Variants in SEMA3E observed in about 807,000 individuals in gnomAD.
SEMA3E encodes the protein semaphorin 3E, also known as semaphorin-3E.
Under a neutral mutation model 93.6 loss-of-function variants are expected in SEMA3E, and 49 were observed. That is an observed-to-expected ratio of 0.52 (90% confidence interval 0.42 to 0.66). The LOEUF (loss-of-function observed/expected upper bound fraction) is 0.66. SEMA3E is among the 30% of genes least tolerant of loss of function. The pLI, the probability that SEMA3E is intolerant of heterozygous loss-of-function variation, is 0.00. For missense variants in SEMA3E, 906 were observed against 964.8 expected (o/e 0.94, Z 0.81); for synonymous variants, 363 against 330.7 (o/e 1.10, Z -1.06).
At chr7:83,534,262 C>T (rs188657222) in intron 1 of SEMA3E, among the ~76,000 whole-genome samples, 17 of 152,178 alleles carry the variant, frequency 1.1e-4, no homozygotes, top group Admixed American at 3.9e-4. Flanking sequence ...GGGCCAATTA[C>T]GTCTGTTGGG....
At chr7:83,646,077 G>T (rs542472533) in intron 1 of SEMA3E, among the ~76,000 whole-genome samples, 97 of 151,960 alleles carry the variant, frequency 6.4e-4, no homozygotes, top group Non-Finnish European at 1.2e-3. Context: ...TCTCCAGGGA[G>T]CCTCCTGGAT....
intron 2 of SEMA3E, among the ~76,000 whole-genome samples, chr7:83,483,175 T>C (rs754255658): frequency 5.9e-5 from 9 of 152,172 alleles, no homozygotes; most frequent in Admixed American, 2.0e-4. Context: ...AATTTAGCAT[T>C]TCTATCAGAT....
At chr7:83,567,289 G>A (rs1792181262) in intron 1 of SEMA3E, among the ~76,000 whole-genome samples, 2 of 152,134 alleles carry the variant, frequency 1.3e-5, no homozygotes, top group African/African-American at 4.8e-5. Context: ...GGGAGAGATA[G>A]ACTCTAATAC....
At chr7:83,560,634 A>G (rs934472475) in intron 1 of SEMA3E, among the ~76,000 whole-genome samples, 1 of 152,062 alleles carries the variant, frequency 6.6e-6, no homozygotes, top group African/African-American at 2.4e-5. Context: ...TGATTATATC[A>G]TCTTACTAGC....
At chr7:83,646,629 C>T (rs1184346725) in intron 1 of SEMA3E, among the ~76,000 whole-genome samples, 2 of 152,018 alleles carry the variant, frequency 1.3e-5, no homozygotes, top group East Asian at 1.9e-4. Context: ...TAGATACTAG[C>T]GGTTTTACTC....
chr7:83,591,975 A>G (rs1359843275), intron 1 of SEMA3E, among the ~76,000 whole-genome samples: 2 of 152,082 alleles, frequency 1.3e-5, no homozygotes, highest in Non-Finnish European at 2.9e-5. Flanking sequence ...TAGTCATGCA[A>G]AAAATACAAC....
intron 1 of SEMA3E, among the ~76,000 whole-genome samples, chr7:83,541,744 G>A (rs1307564964): frequency 1.3e-5 from 2 of 152,154 alleles, no homozygotes; most frequent in Non-Finnish European, 2.9e-5. Context: ...GAAAGTGAAA[G>A]AGGATAGCAT....
Position 83,367,888 on chromosome 7 carries a change from C to A in SEMA3E, c.2026G>T (p.Glu676Ter). Reference sequence around the variant, plus strand: ...TTGTTAAACATATCCTCGACTTTCTCCTCTTCCACTACCTCCAAGGTGATT... The same window carrying A: ...TTGTTAAACATATCCTCGACTTTCTACTCTTCCACTACCTCCAAGGTGATT... ...RKITLEVVEEEKVEDMFNKDD... is the reference protein window; with the variant it reads ...RKITLEVVEE The change falls in exon 17 of 17, where the codon GAG becomes TAG. Residue 676 changes from glutamate to a stop codon, truncating the protein, a stop_gained. Transcript: ENST00000643230. LOFTEE classifies it high-confidence loss of function. 1.2e-6 allele frequency: 2 copies of A among 1,610,812 alleles called. No individual in the cohort carries two copies. Among genetic ancestry groups the A allele is most frequent in the South Asian group, 1.1e-5 (1 of 90,920 alleles).
At chr7:83,462,598 AC>A (rs1789651295) in intron 4 of SEMA3E, among the ~76,000 whole-genome samples, 1 of 151,542 alleles carries the variant, frequency 6.6e-6, no homozygotes. Context: ...CCGACCATGC[AC>A]CCCTTACCAT....
At chr7:83,392,821 A>G (rs1285597568) in intron 13 of SEMA3E, 100 bp from the exon 14 acceptor site, 1 of 1,129,778 alleles carries the variant, frequency 8.9e-7, no homozygotes, top group Non-Finnish European at 1.3e-6. Flanking sequence ...CTCAGAAAAA[A>G]TTCACTTAAA....
intron 1 of SEMA3E, among the ~76,000 whole-genome samples, chr7:83,616,006 AC>A (rs68059316): frequency 0.31 from 46,095 of 147,408 alleles, 7,189 homozygotes; most frequent in South Asian, 0.35. Flanking sequence ...AAAAAAAAAA[AC>A]ATTGGTAAAT....
intron 1 of SEMA3E, among the ~76,000 whole-genome samples, chr7:83,572,262 A>G (rs1167830248): frequency 6.6e-6 from 1 of 152,162 alleles, no homozygotes; most frequent in African/African-American, 2.4e-5. Context: ...GTGTATGAGT[A>G]GCCAAAGCAA....
At chr7:83,456,717 G>T (rs1300795677) in intron 4 of SEMA3E, among the ~76,000 whole-genome samples, 1 of 151,846 alleles carries the variant, frequency 6.6e-6, no homozygotes, top group Non-Finnish European at 1.5e-5. Context: ...GGGGTCAAGC[G>T]ATTCTCCTGC....
intron 1 of SEMA3E, among the ~76,000 whole-genome samples, chr7:83,514,279 T>C (rs1483236808): frequency 1.3e-5 from 2 of 151,848 alleles, no homozygotes; most frequent in Admixed American, 6.6e-5. Flanking sequence ...GTCTGTGGAG[T>C]AGCCATTCTT....
intron 1 of SEMA3E, among the ~76,000 whole-genome samples, chr7:83,574,213 T>G (rs1475692580): frequency 6.6e-6 from 1 of 152,154 alleles, no homozygotes; most frequent in Admixed American, 6.5e-5. Context: ...CATCTCAAGT[T>G]TGTTTCCAGC....
chr7:83,399,629 C>T (rs1788197004), intron 11 of SEMA3E, among the ~76,000 whole-genome samples: 1 of 152,168 alleles, frequency 6.6e-6, no homozygotes, highest in African/African-American at 2.4e-5. Context: ...TGGAAACCAA[C>T]TTTGTTCATT....
At chr7:83,552,872 T>C (rs1397743867) in intron 1 of SEMA3E, among the ~76,000 whole-genome samples, 1 of 152,228 alleles carries the variant, frequency 6.6e-6, no homozygotes, top group Non-Finnish European at 1.5e-5. Flanking sequence ...CATAGAACCT[T>C]ATCAGTAGTT....
intron 1 of SEMA3E, among the ~76,000 whole-genome samples, chr7:83,584,934 G>A (rs936588540): frequency 2.6e-4 from 39 of 152,038 alleles, no homozygotes; most frequent in African/African-American, 8.9e-4. Flanking sequence ...ATCTTGCAGC[G>A]TTTTCCCCTT....
At chr7:83,494,304 T>C (rs1200289246) in intron 1 of SEMA3E, among the ~76,000 whole-genome samples, 1 of 151,650 alleles carries the variant, frequency 6.6e-6, no homozygotes, top group Non-Finnish European at 1.5e-5. Context: ...AAAAACTGTA[T>C]CAATTGCTTA....
Sources: allele counts gnomAD v4.1 joint callset (sites outside exome capture counted in the v4.1 genomes callset), GRCh38; gene constraint gnomAD v4.1.1; transcripts MANE v1.5; gene names NCBI Gene and HGNC (gene_info 2026-07-23, HGNC 2026-07-21).